The following CEP128 variants were observed in gnomAD, a reference collection of about 807,000 sequenced individuals.
CEP128 encodes the protein centrosomal protein 128.
CEP128 carries 132 observed loss-of-function variants against 156.7 expected under a neutral mutation model. The ratio of observed to expected loss-of-function variants is 0.84; its 90% CI spans 0.73 to 0.97. The LOEUF (loss-of-function observed/expected upper bound fraction) is 0.97, where lower values mean the gene tolerates loss of function less well. Among genes scored for constraint, CEP128 ranks in the 50% least tolerant of loss-of-function variants. The pLI is 0.00. For synonymous variants in CEP128, 469 were observed against 448.9 expected, an observed-to-expected ratio of 1.04 and a Z score of -0.57; for missense variants, 1,252 against 1,281.9, an observed-to-expected ratio of 0.98 and a Z score of 0.36.
At chr14:80,829,046 G>A (rs900834108) in intron 13 of CEP128, among the ~76,000 whole-genome samples, 3 of 152,090 alleles carry the variant, frequency 2.0e-5, no homozygotes, top group Non-Finnish European at 4.4e-5. Flanking sequence ...AAGTCTGCAC[G>A]AAACATGACT....
chr14:80,727,160 C>A (rs1477487716), intron 19 of CEP128, among the ~76,000 whole-genome samples: 1 of 152,008 alleles, frequency 6.6e-6, no homozygotes, highest in African/African-American at 2.4e-5. Context: ...CAACAGTTAC[C>A]CCTTGTCTAA....
intron 20 of CEP128, among the ~76,000 whole-genome samples, chr14:80,572,926 TTTG>T (rs1891205827): frequency 6.6e-6 from 1 of 152,054 alleles, no homozygotes. Flanking sequence ...GTCACTGTTT[TTTG>T]TTTTTTGTTT....
At chr14:80,580,462 T>G (rs1310356036) in intron 19 of CEP128, 39 bp from the exon 20 acceptor site, 1 of 1,115,528 alleles carries the variant, frequency 9.0e-7, no homozygotes, top group South Asian at 1.6e-5. Context: ...AAATACAATG[T>G]AAAAACGAGT....
intron 19 of CEP128, among the ~76,000 whole-genome samples, chr14:80,729,674 T>C (rs1347491197): frequency 6.6e-6 from 1 of 152,170 alleles, no homozygotes; most frequent in Non-Finnish European, 1.5e-5. Context: ...TCTCTTTTCA[T>C]CACATCCGTG....
intron 19 of CEP128, among the ~76,000 whole-genome samples, chr14:80,662,562 TTAAA>T (rs1340565448): frequency 2.0e-5 from 3 of 152,084 alleles, no homozygotes; most frequent in Admixed American, 2.0e-4. Context: ...CAGTGTGCAG[TTAAA>T]TAGAGGATTT....
chr14:80,592,931 C>T (rs1357994210), intron 19 of CEP128, among the ~76,000 whole-genome samples: 1 of 152,150 alleles, frequency 6.6e-6, no homozygotes, highest in Non-Finnish European at 1.5e-5. Flanking sequence ...CAGAAAAGGA[C>T]TTCGACAAAA....
intron 13 of CEP128, among the ~76,000 whole-genome samples, chr14:80,816,486 C>T (rs1361455135): frequency 6.6e-6 from 1 of 152,150 alleles, no homozygotes; most frequent in African/African-American, 2.4e-5. Flanking sequence ...GAATGTTCTA[C>T]AACAGAAGAG....
intron 21 of CEP128, among the ~76,000 whole-genome samples, chr14:80,542,812 C>A (rs774229475): frequency 1.3e-5 from 2 of 152,110 alleles, no homozygotes; most frequent in African/African-American, 2.4e-5. Context: ...GCAGAGGGTC[C>A]TGATAGAGAG....
At chr14:80,696,864 A>T (rs1221741549) in intron 19 of CEP128, among the ~76,000 whole-genome samples, 1 of 152,234 alleles carries the variant, frequency 6.6e-6, no homozygotes, top group Non-Finnish European at 1.5e-5. Flanking sequence ...TAAAATTCAC[A>T]GAGCGTCGTT....
intron 9 of CEP128, among the ~76,000 whole-genome samples, chr14:80,856,824 G>A (rs1468320846): frequency 9.0e-5 from 12 of 133,008 alleles, no homozygotes; most frequent in Non-Finnish European, 1.7e-4. Context: ...TCTGCCTCCC[G>A]AGTTAAAGCT....
intron 19 of CEP128, among the ~76,000 whole-genome samples, chr14:80,628,620 T>C (rs1216261253): frequency 6.6e-6 from 1 of 152,154 alleles, no homozygotes; most frequent in Non-Finnish European, 1.5e-5. Flanking sequence ...ATGAAGTTAT[T>C]ATAGGGCTAA....
chr14:80,478,996 T>A (rs1273212124), intron 14 of CEP128, among the ~76,000 whole-genome samples: 1 of 152,172 alleles, frequency 6.6e-6, no homozygotes, highest in Non-Finnish European at 1.5e-5. Context: ...GCCTAGATAG[T>A]AAGAAACATT....
At chr14:80,600,492 G>T (rs1892535040) in intron 19 of CEP128, among the ~76,000 whole-genome samples, 1 of 152,062 alleles carries the variant, frequency 6.6e-6, no homozygotes, top group African/African-American at 2.4e-5. Context: ...AGAGAGAAAA[G>T]AAACTGTCAG....
intron 19 of CEP128, among the ~76,000 whole-genome samples, chr14:80,696,682 T>C (rs1451405892): frequency 6.6e-6 from 1 of 152,160 alleles, no homozygotes; most frequent in Non-Finnish European, 1.5e-5. Context: ...TAGGATATCA[T>C]CACTGATCTC....
At chr14:80,745,058 C>T (rs1425144271) in intron 18 of CEP128, among the ~76,000 whole-genome samples, 1 of 152,158 alleles carries the variant, frequency 6.6e-6, no homozygotes, top group African/African-American at 2.4e-5. Flanking sequence ...ACCCAAATCT[C>T]ATGTCGAATT....
intron 13 of CEP128, among the ~76,000 whole-genome samples, chr14:80,814,066 C>A (rs1884710467): frequency 6.6e-6 from 1 of 152,112 alleles, no homozygotes; most frequent in African/African-American, 2.4e-5. Flanking sequence ...TTTAAGGTAA[C>A]ACGTCTCCCT....
intron 13 of CEP128, among the ~76,000 whole-genome samples, chr14:80,803,385 G>A (rs1392598943): frequency 1.3e-5 from 2 of 150,970 alleles, no homozygotes; most frequent in Admixed American, 1.3e-4. Flanking sequence ...AGTGGCTAAG[G>A]AAACAAAAGA....
At chr14:80,863,916 G>C (rs1345190141) in intron 8 of CEP128, among the ~76,000 whole-genome samples, 1 of 152,086 alleles carries the variant, frequency 6.6e-6, no homozygotes, top group East Asian at 1.9e-4. Flanking sequence ...ATAAACATAA[G>C]TTTACTTAGG....
chr14:80,521,114 CA>C lies in CEP128; in HGVS notation c.3072+5754del, dbSNP rs1372276807. ...CCTCAGCCTCCAAGAGCTGGGATTA[CA>C]GGCATGAGCCACCACACCCGGCCTT... On this transcript the variant is annotated intron_variant, in intron 23 of 24. Transcript: ENST00000555265. Among the ~76,000 whole-genome samples the C allele has an allele frequency of 2.0e-5, 3 of 149,792 alleles. No homozygotes were observed. In the Admixed American group the frequency reaches 2.0e-4, roughly 10 times the overall value.
Sources: gnomAD v4.1 joint callset for allele counts (sites outside exome capture counted in the v4.1 genomes callset) on GRCh38, gnomAD v4.1.1 for gene constraint, MANE v1.5 for transcripts, NCBI Gene and HGNC (gene_info 2026-07-23, HGNC 2026-07-21) for gene names.